Variants in RFX3 observed in about 807,000 individuals in gnomAD.
The protein encoded by RFX3 is regulatory factor X3, also known as transcription factor RFX3.
A neutral mutation model predicts 98.6 loss-of-function variants in RFX3; 14 were observed. The observed-to-expected ratio is 0.14, with a 90% CI of 0.09 to 0.22. The LOEUF is 0.22. Among genes scored for constraint, RFX3 ranks in the 10% least tolerant of loss-of-function variants. The pLI is 1.00. For missense variants in RFX3, 639 were observed against 926.9 expected (o/e 0.69, Z 4.03); for synonymous variants, 383 against 328.4 (o/e 1.17, Z -1.80).
chr9:3,498,201 T>G (rs1194079683), intron 1 of RFX3, among the ~76,000 whole-genome samples: 1 of 152,052 alleles, frequency 6.6e-6, no homozygotes, highest in Non-Finnish European at 1.5e-5. Context: ...AGCACAATGT[T>G]ACACTCTTAG....
chr9:3,345,042 G>C (rs1834301871), intron 3 of RFX3, among the ~76,000 whole-genome samples: 1 of 152,152 alleles, frequency 6.6e-6, no homozygotes, highest in Admixed American at 6.5e-5. Flanking sequence ...TTCAGGGAGA[G>C]TTCTTCCTAC....
intron 1 of RFX3, among the ~76,000 whole-genome samples, chr9:3,463,061 T>C (rs951686508): frequency 6.6e-6 from 1 of 151,958 alleles, no homozygotes; most frequent in Admixed American, 6.6e-5. Flanking sequence ...TATATGAAAA[T>C]GTAGAGGACA....
rs796887739 is a variant in RFX3, at chr9:3,504,958, T to A, written c.-9+20789A>T. On this transcript the variant is annotated intron_variant, in intron 1 of 16. Transcript: ENST00000617270. ...ATAATATATATAATATAATATATAT[T>A]ATATATAATATATATTATATAATAT... 7.1e-3 allele frequency among the ~76,000 whole-genome samples: 427 copies of A among 60,298 alleles called. 10 individuals are homozygous for A. The East Asian group carries it at 0.094, about 13-fold the overall frequency. The allele number at this position is 60,298 out of a possible 152,430, so 39.6% of individuals were successfully genotyped here. A position where few individuals can be genotyped will look rare whatever the true frequency, so the allele number is the denominator to read the frequency against.
At chr9:3,436,088 C>G (rs1356261924) in intron 1 of RFX3, among the ~76,000 whole-genome samples, 1 of 151,830 alleles carries the variant, frequency 6.6e-6, no homozygotes, top group Non-Finnish European at 1.5e-5. Flanking sequence ...CATCTTTACA[C>G]TAAAAAGTGT....
intron 1 of RFX3, among the ~76,000 whole-genome samples, chr9:3,511,536 T>C (rs1817665531): frequency 6.6e-6 from 1 of 152,082 alleles, no homozygotes; most frequent in Admixed American, 6.6e-5. Context: ...TAGATGTCTC[T>C]TCCTTTATGT....
intron 15 of RFX3, among the ~76,000 whole-genome samples, chr9:3,238,452 C>T (rs534542281): frequency 6.6e-6 from 1 of 152,310 alleles, no homozygotes; most frequent in Admixed American, 6.5e-5. Flanking sequence ...GGTGATTACA[C>T]AACTGGAAAT....
At chr9:3,488,763 A>G (rs1456159670) in intron 1 of RFX3, 4 of 984,646 alleles carry the variant, frequency 4.1e-6, no homozygotes, top group African/African-American at 1.7e-5. Context: ...GATGTACTTT[A>G]CAGAGGACTT....
chr9:3,220,734 C>A lies in RFX3; in HGVS notation c.*4308G>T, dbSNP rs932366887. 1.3e-5 allele frequency: 2 copies of A among 151,960 alleles called. No individual in the cohort carries two copies. Among genetic ancestry groups the A allele is most frequent in the African/African-American group, 4.8e-5 (2 of 41,368 alleles). The allele number at this position is 151,960 out of a possible 1,614,324, so 9.4% of individuals were successfully genotyped here. A position where few individuals can be genotyped will look rare whatever the true frequency, so the allele number is the denominator to read the frequency against. On this transcript the variant is annotated 3_prime_UTR_variant, in exon 17 of 17. Coordinates refer to ENST00000617270, the MANE Select transcript of RFX3 (RefSeq NM_001282116.2). ...AAATGATCTGAAAGGCTTTTGTCCC[C>A]CATTGTATATCTTACAATGCTCAAA...
intron 15 of RFX3, among the ~76,000 whole-genome samples, chr9:3,240,702 T>C (rs1819796374): frequency 6.6e-6 from 1 of 152,132 alleles, no homozygotes; most frequent in South Asian, 2.1e-4. Flanking sequence ...TCCTGTGAGT[T>C]TAGGAATTTG....
intron 1 of RFX3, among the ~76,000 whole-genome samples, chr9:3,442,105 C>G (rs1845660492): frequency 6.6e-6 from 1 of 152,062 alleles, no homozygotes; most frequent in Non-Finnish European, 1.5e-5. Flanking sequence ...GAGGCTGAGG[C>G]AGGAGAAACG....
intron 14 of RFX3, among the ~76,000 whole-genome samples, chr9:3,254,990 G>C (rs924030778): frequency 2.0e-5 from 3 of 152,102 alleles, no homozygotes; most frequent in African/African-American, 7.2e-5. Flanking sequence ...CAGGACTGTG[G>C]AATTGTACCA....
chr9:3,275,878 C>T (rs529452569), intron 8 of RFX3, among the ~76,000 whole-genome samples: 1 of 152,152 alleles, frequency 6.6e-6, no homozygotes, highest in South Asian at 2.1e-4. Context: ...TACTGCATAT[C>T]ACAGTGTCTC....
chr9:3,247,564 G>C, intron 15 of RFX3: 1 of 1,171,476 alleles, frequency 8.5e-7, no homozygotes, highest in Non-Finnish European at 1.1e-6. Flanking sequence ...CACATAGTAA[G>C]TGTCCAAAAA....
At chr9:3,345,385 G>A (rs1834345004) in intron 3 of RFX3, among the ~76,000 whole-genome samples, 1 of 152,214 alleles carries the variant, frequency 6.6e-6, no homozygotes, top group Non-Finnish European at 1.5e-5. Context: ...TAGGAATGCG[G>A]AGAATGCCAG....
chr9:3,473,061 G>A (rs1651675063), intron 1 of RFX3, among the ~76,000 whole-genome samples: 1 of 152,068 alleles, frequency 6.6e-6, no homozygotes, highest in South Asian at 2.1e-4. Context: ...TGTTGCTGAG[G>A]AGCAACAGTT....
chr9:3,270,693 T>C (rs993657084), intron 10 of RFX3, 168 bp from the exon 11 acceptor site: 10 of 694,924 alleles, frequency 1.4e-5, no homozygotes, highest in Non-Finnish European at 2.1e-5. Context: ...CAGACAGATA[T>C]ATAAAACACT....
chr9:3,295,882 A>T (rs1827925732), intron 5 of RFX3, among the ~76,000 whole-genome samples: 1 of 152,060 alleles, frequency 6.6e-6, no homozygotes, highest in South Asian at 2.1e-4. Flanking sequence ...ATAAAAACAG[A>T]TCTGATGTAA....
chr9:3,302,615 T>A (rs539727122), intron 4 of RFX3, among the ~76,000 whole-genome samples: 95 of 152,012 alleles, frequency 6.2e-4, no homozygotes, highest in African/African-American at 2.1e-3. Flanking sequence ...CAATTCAGTA[T>A]AAGCAGTTAT....
intron 1 of RFX3, among the ~76,000 whole-genome samples, chr9:3,513,366 C>T (rs1437353676): frequency 6.6e-6 from 1 of 152,038 alleles, no homozygotes; most frequent in Non-Finnish European, 1.5e-5. Context: ...CTACATTGTA[C>T]TAGTCACTGT....
Sources: allele counts gnomAD v4.1 joint callset (sites outside exome capture counted in the v4.1 genomes callset), GRCh38; gene constraint gnomAD v4.1.1; transcripts MANE v1.5; gene names NCBI Gene and HGNC (gene_info 2026-07-23, HGNC 2026-07-21).